Variants in EYA1 observed in about 807,000 individuals in gnomAD.
The protein encoded by EYA1 is protein phosphatase EYA1.
A neutral mutation model predicts 82.0 loss-of-function variants in EYA1; 16 were observed. The ratio of observed to expected loss-of-function variants is 0.20; its 90% CI spans 0.13 to 0.30. The LOEUF is 0.30. Ranked by LOEUF, EYA1 falls within the 10% of genes least tolerant of loss-of-function variation. The probability of loss-of-function intolerance (pLI) is 1.00; values close to 1 mark genes in which losing one functional copy is unlikely to be tolerated. For synonymous variants in EYA1, 261 were observed against 264.4 expected, an observed-to-expected ratio of 0.99 and a Z score of 0.12; for missense variants, 633 against 730.7, an observed-to-expected ratio of 0.87 and a Z score of 1.54.
intron 2 of EYA1, among the ~76,000 whole-genome samples, chr8:71,471,428 A>T (rs1017940324): frequency 2.0e-5 from 3 of 152,054 alleles, no homozygotes; most frequent in Admixed American, 1.3e-4. Flanking sequence ...GTGTATAAGG[A>T]TTGCATAAGC....
chr8:71,203,444 A>G (rs1807323402), intron 17 of EYA1, among the ~76,000 whole-genome samples: 1 of 152,192 alleles, frequency 6.6e-6, no homozygotes, highest in Non-Finnish European at 1.5e-5. Context: ...CAGAGAGAAG[A>G]GAGCTCAGTT....
intron 2 of EYA1, among the ~76,000 whole-genome samples, chr8:71,409,796 C>T (rs1342652390): frequency 1.5e-5 from 2 of 129,710 alleles, no homozygotes; most frequent in Non-Finnish European, 3.3e-5. Flanking sequence ...ACCAGAGGTA[C>T]AAGGAGGAAC....
At chr8:71,437,127 G>T (rs950492030) in intron 2 of EYA1, among the ~76,000 whole-genome samples, 1 of 148,414 alleles carries the variant, frequency 6.7e-6, no homozygotes, top group Non-Finnish European at 1.5e-5. Flanking sequence ...TACATAGTTT[G>T]CCTACATATA....
intron 2 of EYA1, among the ~76,000 whole-genome samples, chr8:71,406,539 G>A (rs887888739): frequency 6.6e-6 from 1 of 152,210 alleles, no homozygotes; most frequent in Non-Finnish European, 1.5e-5. Context: ...AGCCGAAGCA[G>A]GGTGAGGCAT....
chr8:71,333,319 C>T (rs1302028989), intron 4 of EYA1, among the ~76,000 whole-genome samples: 1 of 151,994 alleles, frequency 6.6e-6, no homozygotes, highest in Non-Finnish European at 1.5e-5. Flanking sequence ...AATAAATGAT[C>T]CAGAGAGCTT....
At chr8:71,494,707 A>G (rs1214073718) in intron 2 of EYA1, among the ~76,000 whole-genome samples, 1 of 152,236 alleles carries the variant, frequency 6.6e-6, no homozygotes, top group African/African-American at 2.4e-5. Context: ...CAAGGTTTAC[A>G]TGCCAAGGGT....
intron 12 of EYA1, among the ~76,000 whole-genome samples, chr8:71,222,840 C>T (rs555548291): frequency 7.2e-4 from 110 of 152,322 alleles, no homozygotes; most frequent in Middle Eastern, 3.4e-3. Flanking sequence ...CAACTGCTCC[C>T]TCTAGACACT....
chr8:71,532,140 T>C (rs918664472), intron 2 of EYA1, among the ~76,000 whole-genome samples: 2 of 152,188 alleles, frequency 1.3e-5, no homozygotes, highest in African/African-American at 4.8e-5. Flanking sequence ...CCCTCAAGTA[T>C]CATCAGTTCC....
chr8:71,301,822 T>C (rs959318668), intron 7 of EYA1, among the ~76,000 whole-genome samples: 3 of 152,140 alleles, frequency 2.0e-5, no homozygotes, highest in Non-Finnish European at 4.4e-5. Context: ...ATATATTCAA[T>C]GCCAGGCTCA....
chr8:71,433,956 A>G (rs143134579), intron 2 of EYA1, among the ~76,000 whole-genome samples: 7 of 152,346 alleles, frequency 4.6e-5, no homozygotes, highest in Non-Finnish European at 1.0e-4. Flanking sequence ...CAGTAGCTCA[A>G]TTGAAGAAAG....
intron 2 of EYA1, among the ~76,000 whole-genome samples, chr8:71,395,443 C>G (rs1232330522): frequency 6.6e-6 from 1 of 152,064 alleles, no homozygotes; most frequent in Non-Finnish European, 1.5e-5. Context: ...ATAGATAGCT[C>G]TTATTATTTT....
intron 2 of EYA1, among the ~76,000 whole-genome samples, chr8:71,448,025 T>TTTTCTTTTTTTTTTTAGGTAACGGAG (rs935912194): frequency 8.6e-6 from 1 of 116,736 alleles, no homozygotes; most frequent in African/African-American, 3.4e-5. Flanking sequence ...TTTTTTTTTT[T>TTTTCTTTTTTTTTTTAGGTAACGGAG]TCTCGCTCCG....
chr8:71,431,102 T>G (rs577735029), intron 2 of EYA1, among the ~76,000 whole-genome samples: 1 of 152,198 alleles, frequency 6.6e-6, no homozygotes, highest in Non-Finnish European at 1.5e-5. Flanking sequence ...TGGTATTAAC[T>G]CAGCTACTAC....
At chr8:71,299,944 AT>A (rs1253445331) in intron 7 of EYA1, among the ~76,000 whole-genome samples, 1 of 152,226 alleles carries the variant, frequency 6.6e-6, no homozygotes, top group Non-Finnish European at 1.5e-5. Context: ...TTAGTAACTT[AT>A]ATAGACTAAT....
intron 2 of EYA1, among the ~76,000 whole-genome samples, chr8:71,481,098 A>G (rs2129211903): frequency 6.6e-6 from 1 of 152,306 alleles, no homozygotes; most frequent in South Asian, 2.1e-4. Context: ...ATATATTTTA[A>G]GTTAACGAAT....
In EYA1 at chr8:71,198,297, C is replaced by T. The variant is rs1481442125; in HGVS notation, c.*1043G>A. 1.3e-5 allele frequency: 2 copies of T among 152,696 alleles called. No individual in the cohort carries two copies. Among genetic ancestry groups the T allele is most frequent in the East Asian group, 1.9e-4 (1 of 5,184 alleles). 9.5% of individuals were successfully genotyped at this position (152,696 alleles called of 1,614,324 possible). On this transcript the variant is annotated 3_prime_UTR_variant, in exon 18 of 18. Coordinates refer to ENST00000340726, the MANE Select transcript of EYA1 (RefSeq NM_000503.6). Reference sequence around the variant, plus strand: ...ATGAAAAAGTGAGGTGGTAGGAGAGCTCATTTTGTTTCAAATTGTTTAAGA... The same window carrying T: ...ATGAAAAAGTGAGGTGGTAGGAGAGTTCATTTTGTTTCAAATTGTTTAAGA...
intron 2 of EYA1, among the ~76,000 whole-genome samples, chr8:71,447,082 TTATATA>T (rs5892279): frequency 4.8e-5 from 7 of 144,876 alleles, no homozygotes; most frequent in South Asian, 4.4e-4. Context: ...TTGATAATCT[TTATATA>T]TATATATATA....
chr8:71,206,437 C>T (rs1432118225), intron 17 of EYA1, among the ~76,000 whole-genome samples: 8 of 152,150 alleles, frequency 5.3e-5, no homozygotes, highest in African/African-American at 1.9e-4. Flanking sequence ...CCCAGGCTGG[C>T]CTCAAACTCC....
intron 2 of EYA1, among the ~76,000 whole-genome samples, chr8:71,379,940 A>G (rs905425952): frequency 3.9e-5 from 6 of 152,192 alleles, no homozygotes; most frequent in African/African-American, 9.7e-5. Context: ...TCCTCACTCT[A>G]TAAAAAGAGC....
Sources: allele counts gnomAD v4.1 joint callset (sites outside exome capture counted in the v4.1 genomes callset), GRCh38; gene constraint gnomAD v4.1.1; transcripts MANE v1.5; gene names NCBI Gene and HGNC (gene_info 2026-07-23, HGNC 2026-07-21).